GRIA4: variants seen among roughly 807,000 people sequenced by gnomAD.
GRIA4 encodes the protein glutamate ionotropic receptor AMPA type subunit 4, also known as glutamate receptor 4.
GRIA4 carries 34 observed loss-of-function variants against 104.0 expected under a neutral mutation model. The ratio of observed to expected loss-of-function variants is 0.33; its 90% confidence interval spans 0.25 to 0.44. The LOEUF is 0.44. Among genes scored for constraint, GRIA4 ranks in the 20% least tolerant of loss-of-function variants. GRIA4 has a pLI of 1.00. For synonymous variants in GRIA4, 386 were observed against 381.9 expected (o/e 1.01, Z -0.13); for missense variants, 750 against 1,096.5 (o/e 0.68, Z 4.46).
chr11:105,794,501 A>G (rs1435144861), intron 4 of GRIA4, among the ~76,000 whole-genome samples: 5 of 122,086 alleles, frequency 4.1e-5, no homozygotes, highest in Non-Finnish European at 8.5e-5. Flanking sequence ...ATATATATAT[A>G]TATATATATA....
chr11:105,805,478 G>GAAAAAAAAAAAAAAAAA lies in GRIA4; in HGVS notation c.487+52260_487+52276dup, dbSNP rs57123559. Among the ~76,000 whole-genome samples the GAAAAAAAAAAAAAAAAA allele has an allele frequency of 8.5e-4, 79 of 92,420 alleles. 1 individual carries two copies. Among genetic ancestry groups the GAAAAAAAAAAAAAAAAA allele is most frequent in the Middle Eastern group, 5.6e-3 (1 of 180 alleles). 60.6% of individuals were successfully genotyped at this position (92,420 alleles called of 152,430 possible). On this transcript the variant is annotated intron_variant, in intron 4 of 16. Coordinates refer to ENST00000282499, the MANE Select transcript of GRIA4 (RefSeq NM_000829.4). ...GACCAAGTGGAGAGCAAGAAATCAGGAAAAAAAAAAAAAAAAAACAAGCCA... is the reference window on the plus strand; with the variant it reads ...GACCAAGTGGAGAGCAAGAAATCAGGAAAAAAAAAAAAAAAAAAAAAAAAAAAAAAAAAAACAAGCCA...
At chr11:105,812,522 T>C (rs1221414386) in intron 4 of GRIA4, among the ~76,000 whole-genome samples, 3 of 152,130 alleles carry the variant, frequency 2.0e-5, no homozygotes, top group African/African-American at 7.2e-5. Flanking sequence ...ATGAACCAAA[T>C]TTTTTATCTT....
At chr11:105,795,407 C>T (rs1942439471) in intron 4 of GRIA4, among the ~76,000 whole-genome samples, 1 of 152,024 alleles carries the variant, frequency 6.6e-6, no homozygotes, top group South Asian at 2.1e-4. Flanking sequence ...TGCCTTGGCT[C>T]CCCCTGAAAA....
intron 4 of GRIA4, among the ~76,000 whole-genome samples, chr11:105,783,700 C>G (rs1454473374): frequency 1.3e-5 from 2 of 151,330 alleles, no homozygotes; most frequent in Non-Finnish European, 2.9e-5. Flanking sequence ...CAAAAAATGA[C>G]AGACCTTGAA....
chr11:105,808,918 T>G (rs940851730), intron 4 of GRIA4, among the ~76,000 whole-genome samples: 3 of 152,150 alleles, frequency 2.0e-5, no homozygotes, highest in African/African-American at 7.2e-5. Flanking sequence ...CACACATATT[T>G]AAATTTTTTT....
intron 5 of GRIA4, among the ~76,000 whole-genome samples, chr11:105,884,726 T>C (rs1395967165): frequency 1.3e-5 from 2 of 152,204 alleles, no homozygotes; most frequent in Non-Finnish European, 1.5e-5. Context: ...CTTTGTGGTA[T>C]TATAAGTCCT....
intron 16 of GRIA4, among the ~76,000 whole-genome samples, chr11:105,979,277 T>A (rs1271573610): frequency 6.6e-6 from 1 of 152,226 alleles, no homozygotes; most frequent in Non-Finnish European, 1.5e-5. Context: ...TACTAAGATA[T>A]ACAGTGCAGC....
rs1455673844 is a variant in GRIA4, at chr11:105,611,073, A to G, written c.76A>G (p.Ser26Gly). Reference protein sequence around the residue: ...WGLAMGAFPSSVQIGGLFIRN... With the variant: ...WGLAMGAFPSGVQIGGLFIRN... ...ACTCGCCATGGGAGCCTTTCCGAGC[A>G]GCGTGCAAATAGGTAAGGTGTGCTC... Residue 26 changes from serine to glycine, a missense_variant, in exon 2 of 17, where the codon AGC becomes GGC. Transcript: ENST00000282499. 6.2e-7 allele frequency: 1 copy of G among 1,612,570 alleles called. No homozygotes were observed. Among genetic ancestry groups the G allele is most frequent in the Non-Finnish European group, 8.5e-7 (1 of 1,178,738 alleles).
chr11:105,692,175 T>C (rs547466420), intron 3 of GRIA4, among the ~76,000 whole-genome samples: 19 of 152,034 alleles, frequency 1.2e-4, no homozygotes, highest in African/African-American at 4.1e-4. Context: ...GATAGAATAA[T>C]AGTTCCCATT....
intron 4 of GRIA4, among the ~76,000 whole-genome samples, chr11:105,772,389 T>C (rs1225498848): frequency 1.3e-5 from 2 of 152,092 alleles, no homozygotes; most frequent in African/African-American, 4.8e-5. Context: ...AGACAGACAA[T>C]TCATCTTCTA....
intron 9 of GRIA4, 46 bp downstream of exon 9, chr11:105,905,347 T>C (rs1947006703): frequency 9.6e-7 from 1 of 1,044,290 alleles, no homozygotes; most frequent in South Asian, 1.3e-5. Context: ...GTTTCTTAGT[T>C]TGTATGTAAC....
chr11:105,969,722 T>G (rs1858586309), intron 14 of GRIA4, among the ~76,000 whole-genome samples: 1 of 152,194 alleles, frequency 6.6e-6, no homozygotes, highest in African/African-American at 2.4e-5. Context: ...ACCCATGTGT[T>G]ACAAAGGCTT....
At chr11:105,726,033 C>T (rs767831334) in intron 3 of GRIA4, among the ~76,000 whole-genome samples, 19 of 152,076 alleles carry the variant, frequency 1.2e-4, no homozygotes, top group Non-Finnish European at 2.4e-4. Flanking sequence ...CCTGCAATGC[C>T]ATTGAGACAG....
chr11:105,875,928 A>G (rs1262670007), intron 5 of GRIA4, among the ~76,000 whole-genome samples: 1 of 151,146 alleles, frequency 6.6e-6, no homozygotes, highest in Non-Finnish European at 1.5e-5. Flanking sequence ...TTCTGCTCTG[A>G]TCTTAGTTAT....
At chr11:105,814,808 T>C (rs1020202651) in intron 4 of GRIA4, among the ~76,000 whole-genome samples, 15 of 152,286 alleles carry the variant, frequency 9.8e-5, no homozygotes, top group African/African-American at 3.6e-4. Flanking sequence ...CCCTTATTCC[T>C]GTCACTATAG....
intron 3 of GRIA4, among the ~76,000 whole-genome samples, chr11:105,654,799 G>A (rs1009268510): frequency 1.3e-5 from 2 of 152,128 alleles, no homozygotes; most frequent in Admixed American, 6.6e-5. Flanking sequence ...AAGTCCCCAA[G>A]TAGCAAGTCT....
At position 105,633,705 on chromosome 11, in the gene GRIA4, C is replaced by A. The variant is rs61901799; in HGVS notation, c.247+21271C>A. ...ACCACAGAAACACAAATTCTACATT[C>A]TTAAGACCTGTATTTCAGACTTAGT... On this transcript the variant is annotated intron_variant, in intron 3 of 16. Transcript: ENST00000282499. Among the ~76,000 whole-genome samples, 801 of 152,272 alleles carry A rather than the reference C, an allele frequency of 5.3e-3. 4 individuals carry two copies. Among genetic ancestry groups the A allele is most frequent in the Non-Finnish European group, 8.6e-3 (586 of 68,014 alleles).
At position 105,897,684 on chromosome 11, in the gene GRIA4, T is replaced by C. The variant is rs918792389; in HGVS notation, c.727-585T>C. ...GGGAGGATCGTAAGGTTTTTGTTTTTAATTCTTTTTATTTGGTGAATCACA... is the reference window on the plus strand; with the variant it reads ...GGGAGGATCGTAAGGTTTTTGTTTTCAATTCTTTTTATTTGGTGAATCACA... On this transcript the variant is annotated intron_variant, in intron 6 of 16. Coordinates refer to ENST00000282499, the MANE Select transcript of GRIA4 (RefSeq NM_000829.4). Among the ~76,000 whole-genome samples, 5 of 152,248 alleles carry C rather than the reference T, an allele frequency of 3.3e-5. No individual in the cohort carries two copies. In the South Asian group the frequency reaches 8.3e-4, roughly 25 times the overall value.
chr11:105,773,246 A>C (rs891213883), intron 4 of GRIA4, among the ~76,000 whole-genome samples: 2 of 152,106 alleles, frequency 1.3e-5, no homozygotes, highest in Non-Finnish European at 2.9e-5. Context: ...CTTAAGAGGG[A>C]GAAAGAAGAG....
Sources: gnomAD v4.1 joint callset for allele counts (sites outside exome capture counted in the v4.1 genomes callset) on GRCh38, gnomAD v4.1.1 for gene constraint, MANE v1.5 for transcripts, NCBI Gene and HGNC (gene_info 2026-07-23, HGNC 2026-07-21) for gene names.